CRISP1: variants seen among roughly 807,000 people sequenced by gnomAD.
CRISP1 encodes the protein cysteine rich secretory protein 1, also known as cysteine-rich secretory protein 1.
In CRISP1, 44 loss-of-function variants were observed where a neutral mutation model predicts 33.1. The ratio of observed to expected loss-of-function variants is 1.33; its 90% CI spans 1.05 to 1.71. CRISP1 has a LOEUF of 1.71. CRISP1 is among the 40% of genes most tolerant of loss of function. The pLI, the probability that CRISP1 is intolerant of heterozygous loss-of-function variation, is 0.00. For synonymous variants in CRISP1, 103 were observed against 98.7 expected, an observed-to-expected ratio of 1.04 and a Z score of -0.26; for missense variants, 390 against 301.2, an observed-to-expected ratio of 1.29 and a Z score of -2.18.
At chr6:49,855,811 T>C (rs1156604245) in intron 2 of CRISP1, among the ~76,000 whole-genome samples, 1 of 152,188 alleles carries the variant, frequency 6.6e-6, no homozygotes, top group Non-Finnish European at 1.5e-5. Flanking sequence ...GGTTAGTCTA[T>C]TTGCTTTCTA....
At chr6:49,842,085 T>C (rs1451408022) in intron 5 of CRISP1, among the ~76,000 whole-genome samples, 7 of 152,174 alleles carry the variant, frequency 4.6e-5, no homozygotes, top group Admixed American at 3.9e-4. Context: ...AATATTGTTT[T>C]CTCTTTACAA....
chr6:49,854,504 T>G (rs1237857715), intron 2 of CRISP1, among the ~76,000 whole-genome samples: 1 of 152,150 alleles, frequency 6.6e-6, no homozygotes, highest in Non-Finnish European at 1.5e-5. Flanking sequence ...GTAGCTAGGA[T>G]TACAGGTGTG....
chr6:49,837,218 T>C (rs771923184), intron 7 of CRISP1, among the ~76,000 whole-genome samples: 2 of 152,188 alleles, frequency 1.3e-5, no homozygotes, highest in Non-Finnish European at 2.9e-5. Flanking sequence ...TATATTCCTT[T>C]AATAGCTCTC....
chr6:49,837,456 T>C (rs564772757), intron 7 of CRISP1, among the ~76,000 whole-genome samples: 149 of 149,890 alleles, frequency 9.9e-4, no homozygotes, highest in East Asian at 6.4e-3. Context: ...TTTTTTTTTT[T>C]CCCGGTGGGG....
chr6:49,848,243 C>T lies in CRISP1; in HGVS notation c.252G>A (p.Met84Ile). Reference protein sequence around the residue: ...NARIFSKYCDMTESNPLERRL... With the variant: ...NARIFSKYCDITESNPLERRL... ...TCCTCTCAAGGGGGTTGCTCTCTGT[C>T]ATATCACAATACTTTGAAAAAATTC... is the stretch of plus-strand genomic sequence containing the variant. The change falls in exon 4 of 8, where the codon ATG (methionine) becomes ATA (isoleucine). Residue 84 changes from methionine (M) to isoleucine (I), a missense_variant. By Grantham distance (10) the Met-to-Ile change is conservative. Coordinates refer to ENST00000335847, the MANE Select transcript of CRISP1 (RefSeq NM_001131.3). 2 of 1,605,228 alleles carry T rather than the reference C, an allele frequency of 1.2e-6. No individual in the cohort carries two copies. Among genetic ancestry groups the T allele is most frequent in the Non-Finnish European group, 1.7e-6 (2 of 1,176,598 alleles).
intron 5 of CRISP1, 135 bp downstream of exon 5, chr6:49,846,385 T>C (rs1771168394): frequency 1.1e-6 from 1 of 904,798 alleles, no homozygotes; most frequent in Non-Finnish European, 1.7e-6. Context: ...CTATTTCAAA[T>C]TATAAGAGGA....
At chr6:49,856,645 A>C (rs570938530) in intron 2 of CRISP1, among the ~76,000 whole-genome samples, 2 of 152,256 alleles carry the variant, frequency 1.3e-5, no homozygotes. Context: ...AAAATATAAA[A>C]ACCACTCATT....
rs149562898 is a variant in CRISP1, at chr6:49,844,034, G to A, written c.435+2486C>T. Among the ~76,000 whole-genome samples the A allele has an allele frequency of 3.8e-3, 582 of 152,284 alleles. 3 individuals are homozygous for A. The highest frequency in any genetic ancestry group is 0.013 in the African/African-American group (527 of 41,572). On this transcript the variant is annotated intron_variant, in intron 5 of 7. Coordinates refer to ENST00000335847, the MANE Select transcript of CRISP1 (RefSeq NM_001131.3). The stretch of plus-strand genomic sequence containing the variant: ...GTTTGGTTTCTCCTCATCACTTATA[G>A]TAACCTACAAGAGGAGAGCAAGCAA...
At chr6:49,848,351 A>T (rs776934719) in intron 3 of CRISP1, 52 bp from the exon 4 acceptor site, 1 of 1,070,696 alleles carries the variant, frequency 9.3e-7, no homozygotes, top group Non-Finnish European at 1.4e-6. Context: ...TTTTCATAAG[A>T]TTCTAATTTA....
chr6:49,835,773 AT>A (rs1399776302), intron 7 of CRISP1, among the ~76,000 whole-genome samples: 1 of 151,116 alleles, frequency 6.6e-6, no homozygotes, highest in African/African-American at 2.4e-5. Context: ...AATATTCATA[AT>A]TTTTTGTCTA....
At chr6:49,836,835 A>G (rs1054747086) in intron 7 of CRISP1, among the ~76,000 whole-genome samples, 2 of 152,118 alleles carry the variant, frequency 1.3e-5, no homozygotes, top group Admixed American at 6.6e-5. Context: ...GAGCAATTGT[A>G]TATTTGATAG....
chr6:49,854,384 T>A (rs1428707467), intron 2 of CRISP1, among the ~76,000 whole-genome samples: 1 of 152,210 alleles, frequency 6.6e-6, no homozygotes, highest in Non-Finnish European at 1.5e-5. Context: ...TATCTCTTTT[T>A]TTGAGAAGAA....
intron 6 of CRISP1, 26 bp downstream of exon 6, chr6:49,840,872 A>G: frequency 6.4e-7 from 1 of 1,554,866 alleles, no homozygotes; most frequent in Non-Finnish European, 8.8e-7. Flanking sequence ...AGGGGGATAT[A>G]TATTTTAAAA....
At chr6:49,851,901 T>C (rs1771353139) in intron 3 of CRISP1, 100 bp downstream of exon 3, 2 of 1,367,442 alleles carry the variant, frequency 1.5e-6, no homozygotes, top group Non-Finnish European at 9.9e-7. Context: ...GTTGTGAAGA[T>C]AAAACTTTTA....
chr6:49,874,581 T>C (rs2792830), intron 1 of CRISP1, among the ~76,000 whole-genome samples: 139,460 of 152,078 alleles, frequency 0.92, 64,005 homozygotes, highest in East Asian at 0.96. Flanking sequence ...ATACCAAAAA[T>C]TTGGTAGAGA....
chr6:49,865,993 C>T (rs942549994), intron 1 of CRISP1, among the ~76,000 whole-genome samples: 5 of 152,026 alleles, frequency 3.3e-5, no homozygotes, highest in African/African-American at 1.2e-4. Flanking sequence ...TAGCAACTCC[C>T]GAAAACAAAA....
intron 7 of CRISP1, among the ~76,000 whole-genome samples, chr6:49,836,422 G>A (rs1369833760): frequency 6.7e-6 from 1 of 150,330 alleles, no homozygotes; most frequent in Non-Finnish European, 1.5e-5. Context: ...TGCAAGCTCT[G>A]CCTCCCGGGT....
intron 1 of CRISP1, among the ~76,000 whole-genome samples, chr6:49,863,581 C>A (rs898761994): frequency 1.3e-5 from 2 of 152,150 alleles, no homozygotes; most frequent in Non-Finnish European, 2.9e-5. Context: ...TTTCTTTACC[C>A]TTTAGTTTCA....
chr6:49,857,468 A>C, intron 1 of CRISP1, 66 bp from the exon 2 acceptor site: 1 of 1,448,582 alleles, frequency 6.9e-7, no homozygotes, highest in Non-Finnish European at 9.6e-7. Flanking sequence ...GTAATAAACT[A>C]TTTAAACCAC....
Sources: gnomAD v4.1 joint callset for allele counts (sites outside exome capture counted in the v4.1 genomes callset) on GRCh38, gnomAD v4.1.1 for gene constraint, MANE v1.5 for transcripts, NCBI Gene and HGNC (gene_info 2026-07-23, HGNC 2026-07-21) for gene names.